The following CCDC141 variants were observed in gnomAD, a reference collection of about 807,000 sequenced individuals.
The protein encoded by CCDC141 is coiled-coil domain containing 141.
Under a neutral mutation model 181.0 loss-of-function variants are expected in CCDC141, and 168 were observed. That is an observed-to-expected ratio of 0.93 (90% CI 0.82 to 1.05). The LOEUF (loss-of-function observed/expected upper bound fraction) is 1.05. CCDC141 is among the 50% of genes least tolerant of loss of function. The pLI is 0.00. For missense variants in CCDC141, 1,902 were observed against 1,788.5 expected (o/e 1.06, Z -1.14); for synonymous variants, 666 against 642.3 (o/e 1.04, Z -0.56).
chr2:179,016,835 G>C (rs974314430), intron 2 of CCDC141, among the ~76,000 whole-genome samples: 14 of 152,174 alleles, frequency 9.2e-5, no homozygotes, highest in Middle Eastern at 6.8e-3. Flanking sequence ...AGCAGAGTAG[G>C]CTGGGCTTTA....
At chr2:178,940,186 G>A (rs1179527090) in intron 6 of CCDC141, among the ~76,000 whole-genome samples, 1 of 152,082 alleles carries the variant, frequency 6.6e-6, no homozygotes, top group Non-Finnish European at 1.5e-5. Context: ...GCAGAAGAAA[G>A]AATGAGTGCT....
intron 20 of CCDC141, among the ~76,000 whole-genome samples, chr2:178,851,752 A>G (rs1407776556): frequency 6.6e-6 from 1 of 152,210 alleles, no homozygotes; most frequent in African/African-American, 2.4e-5. Context: ...TCCATTTACC[A>G]TACCATGACT....
chr2:178,999,914 T>C (rs998837112), intron 2 of CCDC141, among the ~76,000 whole-genome samples: 1 of 152,150 alleles, frequency 6.6e-6, no homozygotes, highest in African/African-American at 2.4e-5. Flanking sequence ...TCCACCATCA[T>C]AGTCATTATT....
At chr2:179,015,106 T>TATATATATA (rs2042418544) in intron 2 of CCDC141, among the ~76,000 whole-genome samples, 1 of 23,992 alleles carries the variant, frequency 4.2e-5, no homozygotes, top group African/African-American at 8.1e-5. Flanking sequence ...ATATATATAA[T>TATATATATA]ATATATATAA....
At chr2:179,028,594 C>T (rs2042920132) in intron 2 of CCDC141, among the ~76,000 whole-genome samples, 1 of 152,060 alleles carries the variant, frequency 6.6e-6, no homozygotes, top group African/African-American at 2.4e-5. Context: ...TGTAATAATA[C>T]CAGTGGGATA....
At chr2:179,037,947 G>A (rs890034513) in intron 2 of CCDC141, among the ~76,000 whole-genome samples, 4 of 152,130 alleles carry the variant, frequency 2.6e-5, no homozygotes, top group African/African-American at 9.7e-5. Context: ...AAATATTTTG[G>A]TGTTTCCTCA....
In CCDC141 at chr2:179,049,903, C is replaced by A. The variant is rs561615263; in HGVS notation, c.39G>T (p.Thr13=). Residue 13 remains threonine (T), a synonymous_variant, in exon 1 of 24, where the codon ACG becomes ACT. Coordinates refer to ENST00000443758, the MANE Select transcript of CCDC141 (RefSeq NM_173648.4). ...GCACAGCAACTGAACTGACTGTCGT[C>A]GTAGAAAGCGCAACACTAGGACTTC... ...SQGSPSVALS[T]TTVSSVAVQA... is the part of the protein sequence containing the mutation. The A allele has an allele frequency of 1.9e-6, 3 of 1,550,718 alleles. No individual in the cohort carries two copies. In the Admixed American group the frequency reaches 5.9e-5, roughly 30 times the overall value.
chr2:178,870,549 G>C (rs1473731442), intron 14 of CCDC141, among the ~76,000 whole-genome samples: 1 of 152,110 alleles, frequency 6.6e-6, no homozygotes, highest in Non-Finnish European at 1.5e-5. Flanking sequence ...GCCTAATATA[G>C]GCCAGTCACA....
chr2:179,042,640 G>T (rs1055363098), intron 2 of CCDC141, among the ~76,000 whole-genome samples: 7 of 152,180 alleles, frequency 4.6e-5, no homozygotes, highest in Non-Finnish European at 8.8e-5. Context: ...AAGCCACTGT[G>T]CCCAGCCTAA....
chr2:178,837,852 G>GGA (rs1684555920), intron 22 of CCDC141, 108 bp from the exon 23 acceptor site: 2 of 1,306,408 alleles, frequency 1.5e-6, no homozygotes, highest in African/African-American at 3.0e-5. Flanking sequence ...AACCTACAAG[G>GGA]TTAAAATTTA....
At chr2:178,819,802 G>T in the CCDC141 span, among the ~76,000 whole-genome samples, 1 of 152,010 alleles carries the variant, frequency 6.6e-6, no homozygotes, top group African/African-American at 2.4e-5. Flanking sequence ...CTGCTTTAGA[G>T]AAATACACCA....
intron 2 of CCDC141, among the ~76,000 whole-genome samples, chr2:179,011,017 G>T (rs1380103874): frequency 6.6e-6 from 1 of 152,056 alleles, no homozygotes; most frequent in Non-Finnish European, 1.5e-5. Context: ...AATTAGCCAG[G>T]TGTGATGGCA....
In CCDC141 at chr2:178,915,594, T is replaced by C. The variant is rs896408247; in HGVS notation, c.1092+3119A>G. On this transcript the variant is annotated intron_variant, in intron 7 of 23. Transcript: ENST00000443758. ...GAATGAAATTGATTTTCAAGGAAAGTACCTTTTTGTAAAGTGCTGACTTCA... is the reference window on the plus strand; with the variant it reads ...GAATGAAATTGATTTTCAAGGAAAGCACCTTTTTGTAAAGTGCTGACTTCA... Among the ~76,000 whole-genome samples, 89 of 152,338 alleles carry C rather than the reference T, an allele frequency of 5.8e-4. 1 individual carries two copies. The highest frequency in any genetic ancestry group is 2.1e-3 in the African/African-American group (89 of 41,578).
intron 2 of CCDC141, among the ~76,000 whole-genome samples, chr2:178,986,967 C>T (rs1691777801): frequency 6.6e-6 from 1 of 152,070 alleles, no homozygotes; most frequent in South Asian, 2.1e-4. Context: ...GAAAAAACTA[C>T]TTTACAGTTC....
intron 7 of CCDC141, among the ~76,000 whole-genome samples, chr2:178,917,479 T>C (rs1688503211): frequency 6.6e-6 from 1 of 152,214 alleles, no homozygotes; most frequent in Non-Finnish European, 1.5e-5. Flanking sequence ...ACTATTTTGA[T>C]ATACACCAGG....
chr2:178,858,374 A>C (rs1208989075), intron 17 of CCDC141, among the ~76,000 whole-genome samples: 1 of 152,170 alleles, frequency 6.6e-6, no homozygotes, highest in African/African-American at 2.4e-5. Context: ...TTGAGATATA[A>C]AGGCGTTATA....
At position 178,932,842 on chromosome 2, in the gene CCDC141, G is replaced by A. The variant is rs762298604; in HGVS notation, c.897+11693C>T. ...ACTTTCTTGCATTGGCTCTACTGAT[G>A]ACAATTATGCATTTAAATTACTTAA... On this transcript the variant is annotated intron_variant, in intron 6 of 23. Coordinates refer to ENST00000443758, the MANE Select transcript of CCDC141 (RefSeq NM_173648.4). 6.7e-4 allele frequency among the ~76,000 whole-genome samples: 102 copies of A among 152,116 alleles called. 1 individual carries two copies. The highest frequency in any genetic ancestry group is 2.2e-3 in the Admixed American group (33 of 15,264).
chr2:178,932,839 G>A (rs2154375958), intron 6 of CCDC141, among the ~76,000 whole-genome samples: 1 of 152,226 alleles, frequency 6.6e-6, no homozygotes, highest in African/African-American at 2.4e-5. Flanking sequence ...TGGCTCTACT[G>A]ATGACAATTA....
intron 7 of CCDC141, among the ~76,000 whole-genome samples, chr2:178,912,562 T>G (rs1304052965): frequency 6.6e-6 from 1 of 152,196 alleles, no homozygotes; most frequent in East Asian, 1.9e-4. Context: ...AGCTCTAAAA[T>G]CAAAGGTTTC....
Sources: allele counts gnomAD v4.1 joint callset (sites outside exome capture counted in the v4.1 genomes callset), GRCh38; gene constraint gnomAD v4.1.1; transcripts MANE v1.5; gene names NCBI Gene and HGNC (gene_info 2026-07-23, HGNC 2026-07-21).